Variants in CELF2 observed in about 807,000 individuals in gnomAD.
The protein encoded by CELF2 is CUGBP Elav-like family member 2.
A neutral mutation model predicts 62.6 loss-of-function variants in CELF2; 8 were observed. The ratio of observed to expected loss-of-function variants is 0.13; its 90% CI spans 0.07 to 0.23. The LOEUF (loss-of-function observed/expected upper bound fraction) is 0.23, where lower values mean the gene tolerates loss of function less well. Among genes scored for constraint, CELF2 ranks in the 10% least tolerant of loss-of-function variants. The pLI is 1.00. For missense variants in CELF2, 333 were observed against 671.0 expected (o/e 0.50, Z 5.56); for synonymous variants, 258 against 250.0 (o/e 1.03, Z -0.30).
chr10:10,852,090 A>G (rs1373485706), intron 1 of CELF2, among the ~76,000 whole-genome samples: 1 of 152,078 alleles, frequency 6.6e-6, no homozygotes, highest in Admixed American at 6.6e-5. Flanking sequence ...TAACCATTTA[A>G]CTCCTTGGTG....
chr10:11,161,135 C>A (rs2065625212), intron 1 of CELF2, among the ~76,000 whole-genome samples: 3 of 152,140 alleles, frequency 2.0e-5, no homozygotes, highest in African/African-American at 7.2e-5. Context: ...TAGGTCAGTG[C>A]CTGGGTTAAA....
At chr10:10,568,563 A>G in the CELF2 span, among the ~76,000 whole-genome samples, 502 of 152,340 alleles carry the variant, frequency 3.3e-3, 2 homozygotes, top group African/African-American at 0.012. Flanking sequence ...GAGCCAAGAT[A>G]TAATGGAATC....
chr10:11,318,540 G>C lies in CELF2; in HGVS notation c.1097-2649G>C, dbSNP rs1334622972. On this transcript the variant is annotated intron_variant, in intron 10 of 12. Transcript: ENST00000633077. This position sits in a 1 kb window ranked among gnomAD's most constrained non-coding sequence, Gnocchi z 5.4. The stretch of plus-strand genomic sequence containing the variant: ...CAGATTAGCTCTGAGGTGTAGTCCA[G>C]AGACACAGCCAGCCTCTGTGAAGTG... 1 of 362,660 alleles carries C rather than the reference G, an allele frequency of 2.8e-6. No individual in the cohort carries two copies. Among genetic ancestry groups the C allele is most frequent in the Non-Finnish European group, 5.5e-6 (1 of 182,354 alleles). 22.5% of individuals were successfully genotyped at this position (362,660 alleles called of 1,614,324 possible). A position where few individuals can be genotyped will look rare whatever the true frequency, so the allele number is the denominator to read the frequency against.
the CELF2 span, among the ~76,000 whole-genome samples, chr10:10,529,320 C>A: frequency 6.6e-6 from 1 of 152,118 alleles, no homozygotes; most frequent in Non-Finnish European, 1.5e-5. Context: ...ATTCTCCAAG[C>A]TTTCTGGGAG....
At chr10:10,797,266 A>G (rs2054196683), upstream of CELF2, among the ~76,000 whole-genome samples, 1 of 152,142 alleles carries the variant, frequency 6.6e-6, no homozygotes, top group Non-Finnish European at 1.5e-5. Flanking sequence ...TAACAAGGAC[A>G]TGACAAAGCA....
At chr10:10,787,498 G>A in the CELF2 span, among the ~76,000 whole-genome samples, 9 of 152,222 alleles carry the variant, frequency 5.9e-5, no homozygotes, top group Middle Eastern at 3.4e-3. Flanking sequence ...TTCATAAAAC[G>A]CAAACTTTAT....
the CELF2 span, among the ~76,000 whole-genome samples, chr10:10,607,754 G>A: frequency 6.6e-6 from 1 of 152,184 alleles, no homozygotes; most frequent in East Asian, 1.9e-4. Flanking sequence ...AGGCATTAAA[G>A]CAATACATGA....
intron 3 of CELF2, among the ~76,000 whole-genome samples, chr10:11,222,821 G>A (rs1183307915): frequency 1.3e-5 from 2 of 152,194 alleles, no homozygotes; most frequent in Non-Finnish European, 2.9e-5. Flanking sequence ...TATTTCAAAT[G>A]TTCCAAAATA....
At chr10:11,106,207 T>TTTTATTTA (rs10624331) in intron 1 of CELF2, among the ~76,000 whole-genome samples, 39,444 of 140,042 alleles carry the variant, frequency 0.28, 5,825 homozygotes, top group Non-Finnish European at 0.33. Context: ...TTTTACTTTA[T>TTTTATTTA]TTTATTTATT....
chr10:10,833,882 G>T (rs1408576466), intron 1 of CELF2, among the ~76,000 whole-genome samples: 1 of 152,194 alleles, frequency 6.6e-6, no homozygotes, highest in Non-Finnish European at 1.5e-5. Context: ...AATTAGTTCA[G>T]TCACTGTGGA....
At chr10:10,925,750 C>A (rs1253256072) in intron 2 of CELF2, among the ~76,000 whole-genome samples, 1 of 152,148 alleles carries the variant, frequency 6.6e-6, no homozygotes, top group Non-Finnish European at 1.5e-5. Context: ...CCTTGCCACC[C>A]TCCAAACCGT....
chr10:11,056,413 A>T (rs1385931240), intron 1 of CELF2, among the ~76,000 whole-genome samples: 1 of 152,222 alleles, frequency 6.6e-6, no homozygotes, highest in African/African-American at 2.4e-5. Flanking sequence ...ATCAGGTAAT[A>T]ATTTATTACA....
chr10:10,994,074 G>A (rs2053698325), intron 2 of CELF2, among the ~76,000 whole-genome samples: 3 of 152,168 alleles, frequency 2.0e-5, no homozygotes, highest in Admixed American at 2.0e-4. Context: ...TATCACAGCT[G>A]CCCTAGCTGA....
chr10:11,299,755 G>A (rs966479611), intron 9 of CELF2, among the ~76,000 whole-genome samples: 7 of 135,758 alleles, frequency 5.2e-5, no homozygotes, highest in Non-Finnish European at 1.1e-4. Context: ...TGGGATCCCA[G>A]AACCGTATTT....
chr10:10,622,898 T>A, the CELF2 span, among the ~76,000 whole-genome samples: 1 of 150,588 alleles, frequency 6.6e-6, no homozygotes, highest in Non-Finnish European at 1.5e-5. Flanking sequence ...TCAAGACCAC[T>A]GTGAAACCCC....
the CELF2 span, among the ~76,000 whole-genome samples, chr10:10,494,227 A>C: frequency 6.6e-6 from 1 of 152,240 alleles, no homozygotes; most frequent in African/African-American, 2.4e-5. Context: ...TTCCTTTCAA[A>C]GGAAGGGATG....
chr10:10,560,061 A>G, the CELF2 span, among the ~76,000 whole-genome samples: 188 of 152,284 alleles, frequency 1.2e-3, 3 homozygotes, highest in East Asian at 0.029. Flanking sequence ...TGAGGGCTCA[A>G]TGTCTCGAAA....
intron 2 of CELF2, among the ~76,000 whole-genome samples, chr10:11,179,605 A>G (rs145968981): frequency 2.0e-4 from 30 of 152,358 alleles, no homozygotes; most frequent in Admixed American, 5.9e-4. Flanking sequence ...ACATGTGTTG[A>G]GAACCCTACG....
intron 2 of CELF2, among the ~76,000 whole-genome samples, chr10:11,168,503 A>G (rs688830): frequency 0.28 from 42,595 of 152,104 alleles, 6,181 homozygotes; most frequent in South Asian, 0.34. Context: ...GCCTGTTTAC[A>G]TGTAAAATAA....
Sources: gnomAD v4.1 joint callset for allele counts (sites outside exome capture counted in the v4.1 genomes callset) on GRCh38, gnomAD v4.1.1 for gene constraint, Gnocchi (gnomAD v3.1) non-coding constraint, MANE v1.5 for transcripts, NCBI Gene and HGNC (gene_info 2026-07-23, HGNC 2026-07-21) for gene names.